RFT1: variants seen among roughly 807,000 people sequenced by gnomAD.
The protein encoded by RFT1 is RFT1 glycolipid translocator homolog, also known as man(5)GlcNAc(2)-PP-dolichol translocation protein RFT1.
Under a neutral mutation model 62.2 loss-of-function variants are expected in RFT1, and 43 were observed. The observed-to-expected ratio is 0.69, with a 90% CI of 0.54 to 0.89. The LOEUF is 0.89. RFT1 is among the 40% of genes least tolerant of loss of function. The pLI is 0.00. For synonymous variants in RFT1, 262 were observed against 264.6 expected (o/e 0.99, Z 0.10); for missense variants, 605 against 649.9 (o/e 0.93, Z 0.75).
At chr3:53,087,646 C>T (rs1700884151), downstream of RFT1, among the ~76,000 whole-genome samples, 1 of 152,068 alleles carries the variant, frequency 6.6e-6, no homozygotes, top group Admixed American at 6.5e-5. Context: ...CCTCAGCCTC[C>T]CGTATAGGAA....
chr3:53,126,049 T>C (rs1702100694), intron 1 of RFT1, 55 bp from the exon 2 acceptor site: 2 of 1,384,798 alleles, frequency 1.4e-6, no homozygotes, highest in Admixed American at 1.9e-5. Context: ...AGTGTTTACT[T>C]AGCTGAAATG....
the RFT1 span, among the ~76,000 whole-genome samples, chr3:53,071,171 C>T: frequency 1.3e-5 from 2 of 152,126 alleles, no homozygotes; most frequent in East Asian, 3.9e-4. Context: ...GGAGACACTA[C>T]ACCCAGCCTA....
intron 6 of RFT1, among the ~76,000 whole-genome samples, chr3:53,115,694 CACATAT>C (rs1701772728): frequency 6.6e-6 from 1 of 152,244 alleles, no homozygotes; most frequent in South Asian, 2.1e-4. Flanking sequence ...ATCTCTACCA[CACATAT>C]ACATTTAACC....
chr3:53,101,104 T>A (rs1242922434), intron 10 of RFT1, among the ~76,000 whole-genome samples: 1 of 152,148 alleles, frequency 6.6e-6, no homozygotes, highest in Non-Finnish European at 1.5e-5. Flanking sequence ...CTAAACAGTT[T>A]TATGGCAGTC....
chr3:53,074,571 C>A, the RFT1 span, among the ~76,000 whole-genome samples: 216 of 152,248 alleles, frequency 1.4e-3, no homozygotes, highest in African/African-American at 5.1e-3. Flanking sequence ...CTCTCTCCTA[C>A]CACCTATCCA....
chr3:53,070,123 G>A, the RFT1 span, among the ~76,000 whole-genome samples: 4 of 152,100 alleles, frequency 2.6e-5, no homozygotes, highest in African/African-American at 9.7e-5. Context: ...TGGGGATAAA[G>A]GAGAAAATAA....
downstream of RFT1, among the ~76,000 whole-genome samples, chr3:53,085,349 C>A (rs903204285): frequency 6.6e-6 from 1 of 152,232 alleles, no homozygotes; most frequent in Non-Finnish European, 1.5e-5. Flanking sequence ...CTGCTCCTGG[C>A]ATCCCCTTCC....
At chr3:53,093,161 G>A (rs1447107059) in intron 11 of RFT1, among the ~76,000 whole-genome samples, 2 of 152,212 alleles carry the variant, frequency 1.3e-5, no homozygotes, top group Non-Finnish European at 2.9e-5. Flanking sequence ...CTTGGGAAAT[G>A]CAGCACCCAG....
intron 9 of RFT1, 97 bp from the exon 10 acceptor site, chr3:53,104,194 T>C: frequency 7.8e-7 from 1 of 1,284,340 alleles, no homozygotes; most frequent in South Asian, 1.3e-5. Flanking sequence ...TGTTTTACAG[T>C]TCACTCTTCC....
chr3:53,092,984 TG>T (rs941243190), intron 11 of RFT1, among the ~76,000 whole-genome samples: 1 of 152,202 alleles, frequency 6.6e-6, no homozygotes, highest in African/African-American at 2.4e-5. Context: ...TGAGGAGTGC[TG>T]GGGACACACT....
chr3:53,071,080 G>A, the RFT1 span, among the ~76,000 whole-genome samples: 1 of 151,766 alleles, frequency 6.6e-6, no homozygotes, highest in South Asian at 2.1e-4. Flanking sequence ...TTTTGTAGAG[G>A]TGGGGTCTCA....
At chr3:53,115,872 C>T (rs1415999874) in intron 6 of RFT1, among the ~76,000 whole-genome samples, 1 of 152,264 alleles carries the variant, frequency 6.6e-6, no homozygotes, top group Non-Finnish European at 1.5e-5. Flanking sequence ...GATCCTATCT[C>T]TCCATCACCA....
chr3:53,121,679 T>G lies in RFT1; in HGVS notation c.558+20A>C. On this transcript the variant is annotated intron_variant, in intron 5 of 12. Transcript: ENST00000296292. ...GGAGAAACAAAGATCATATAAAAAG[T>G]TAAAAGCCATGATTCTTACCTGGGC... is the stretch of plus-strand genomic sequence containing the variant. The G allele has an allele frequency of 6.3e-7, 1 of 1,580,792 alleles. No homozygotes were observed. The highest frequency in any genetic ancestry group is 8.7e-7 in the Non-Finnish European group (1 of 1,151,950).
intron 10 of RFT1, among the ~76,000 whole-genome samples, chr3:53,101,250 T>C (rs1190154090): frequency 2.6e-5 from 4 of 152,198 alleles, no homozygotes; most frequent in Non-Finnish European, 1.5e-5. Flanking sequence ...GGAAGTAGCC[T>C]GGCCCCCACC....
intron 3 of RFT1, 117 bp downstream of exon 3, chr3:53,123,607 C>A: frequency 3.7e-6 from 3 of 817,986 alleles, no homozygotes; most frequent in Non-Finnish European, 6.4e-6. Context: ...CTCCCAGAAA[C>A]CCATGACGAA....
chr3:53,097,241 T>TA (rs879527670), intron 11 of RFT1, among the ~76,000 whole-genome samples: 26 of 146,754 alleles, frequency 1.8e-4, no homozygotes, highest in South Asian at 6.5e-4. Context: ...TCACAGAGAT[T>TA]AAAAAAAAAA....
Position 53,122,420 on chromosome 3 carries a change from T to C in RFT1, c.410A>G (p.Glu137Gly). 1 of 1,613,726 alleles carries C rather than the reference T, an allele frequency of 6.2e-7. No homozygotes were observed. The highest frequency in any genetic ancestry group is 8.5e-7 in the Non-Finnish European group (1 of 1,179,942). ...TGCTTGTGCCAAGACCCAAAAGGGC[T>C]CTCCTAGAAGCTCCACCACTGCCGA... is the stretch of plus-strand genomic sequence containing the variant. ...GLSAVVELLG[E>G]PFWVLAQAHM... is the part of the protein sequence containing the mutation. The change falls in exon 4 of 13, where the codon GAG (glutamate) becomes GGG (glycine). Residue 137 changes from glutamate (E) to glycine (G), a missense_variant. By Grantham distance (98) the Glu-to-Gly change is moderately conservative. Transcript: ENST00000296292.
chr3:53,102,153 T>G (rs1054817833), intron 10 of RFT1, among the ~76,000 whole-genome samples: 1 of 152,130 alleles, frequency 6.6e-6, no homozygotes. Context: ...CACAGCCATG[T>G]GACCGCAGTA....
At position 53,122,376 on chromosome 3, in the gene RFT1, T is replaced by C. The variant is rs763862849; in HGVS notation, c.454A>G (p.Lys152Glu). ...TTCACAGCAGAAGGTGCACTGACCTTGAGCTTCACAAACATATGTGCTTGT... is the reference window on the plus strand; with the variant it reads ...TTCACAGCAGAAGGTGCACTGACCTCGAGCTTCACAAACATATGTGCTTGT... ...LAQAHMFVKLKVIAESLSVIL... is the reference protein window; with the variant it reads ...LAQAHMFVKLEVIAESLSVIL... The change falls in exon 4 of 13, where the codon AAG becomes GAG. Residue 152 changes from lysine (K) to glutamate (E), a missense_variant and splice_region_variant. By Grantham distance (56) the Lys-to-Glu change is moderately conservative. Coordinates refer to ENST00000296292, the MANE Select transcript of RFT1 (RefSeq NM_052859.4). 2.7e-5 allele frequency: 43 copies of C among 1,613,800 alleles called. No individual in the cohort carries two copies. The highest frequency in any genetic ancestry group is 8.3e-5 in the Admixed American group (5 of 60,002).
Sources: gnomAD v4.1 joint callset for allele counts (sites outside exome capture counted in the v4.1 genomes callset) on GRCh38, gnomAD v4.1.1 for gene constraint, MANE v1.5 for transcripts, NCBI Gene and HGNC (gene_info 2026-07-23, HGNC 2026-07-21) for gene names.